RIN2: variants seen among roughly 807,000 people sequenced by gnomAD.
RIN2 encodes Ras and Rab interactor 2.
In RIN2, 36 loss-of-function variants were observed where a neutral mutation model predicts 78.0. That is an observed-to-expected ratio of 0.46 (90% CI 0.35 to 0.61). The LOEUF is 0.61. Among genes scored for constraint, RIN2 ranks in the 20% least tolerant of loss-of-function variants. RIN2 has a pLI of 0.00. For missense variants in RIN2, 1,087 were observed against 1,159.7 expected, an observed-to-expected ratio of 0.94 and a Z score of 0.91; for synonymous variants, 466 against 466.8, an observed-to-expected ratio of 1.00 and a Z score of 0.02.
intron 11 of RIN2, among the ~76,000 whole-genome samples, chr20:19,994,630 C>G (rs917420029): frequency 1.3e-5 from 2 of 152,140 alleles, no homozygotes; most frequent in South Asian, 2.1e-4. Context: ...AAGGAGCCCC[C>G]CTCCACCCCC....
chr20:19,956,547 A>G, intron 4 of RIN2, 68 bp from the exon 5 acceptor site: 3 of 1,472,294 alleles, frequency 2.0e-6, no homozygotes, highest in Non-Finnish European at 2.8e-6. Flanking sequence ...ATGAACTTGT[A>G]GGGACGGTCT....
At chr20:19,992,789 T>C (rs901096638) in intron 11 of RIN2, among the ~76,000 whole-genome samples, 1 of 152,252 alleles carries the variant, frequency 6.6e-6, no homozygotes, top group Admixed American at 6.5e-5. Context: ...TAAACTTTTG[T>C]TGAGGATATT....
rs1020773121 is a variant in RIN2 at position 19,898,785 on chromosome 20, C to T, written c.57+9127C>T. ...TAATCCATAGATAAACTTGTTAAATCACGTGCCAGCATGGCAATGAAAGGA... is the reference window on the plus strand; with the variant it reads ...TAATCCATAGATAAACTTGTTAAATTACGTGCCAGCATGGCAATGAAAGGA... On this transcript the variant is annotated intron_variant, in intron 3 of 12. Transcript: ENST00000255006. Among the ~76,000 whole-genome samples the T allele has an allele frequency of 2.6e-5, 4 of 152,196 alleles. No individual in the cohort carries two copies. The South Asian group carries it at 8.3e-4, about 32-fold the overall frequency.
intron 3 of RIN2, among the ~76,000 whole-genome samples, chr20:19,902,949 C>T (rs930318775): frequency 1.3e-4 from 20 of 152,020 alleles, no homozygotes; most frequent in Non-Finnish European, 1.9e-4. Flanking sequence ...ACAAATTAGC[C>T]GGGCATGGTG....
Position 19,844,716 on chromosome 20 carries a change from T to C in RIN2, c.-36-44850T>C, listed in dbSNP as rs530912818. On this transcript the variant is annotated intron_variant, in intron 2 of 12. Transcript: ENST00000255006. ...CCTCTTCCTCTTCTTCTTCTTCTTCTTCTTCTTCTTCTTCTTCTTCTTCTT... is the reference window on the plus strand; with the variant it reads ...CCTCTTCCTCTTCTTCTTCTTCTTCCTCTTCTTCTTCTTCTTCTTCTTCTT... Among the ~76,000 whole-genome samples, 158 of 145,074 alleles carry C rather than the reference T, an allele frequency of 1.1e-3. 1 individual carries two copies. The highest frequency in any genetic ancestry group is 3.6e-3 in the African/African-American group (140 of 38,424).
chr20:19,816,217 A>G (rs1296739044), intron 2 of RIN2, among the ~76,000 whole-genome samples: 2 of 152,218 alleles, frequency 1.3e-5, no homozygotes, highest in East Asian at 1.9e-4. Flanking sequence ...CTAGACTTAC[A>G]AAGAATTCCT....
intron 1 of RIN2, among the ~76,000 whole-genome samples, chr20:19,770,829 T>C (rs2034082805): frequency 6.6e-6 from 1 of 150,730 alleles, no homozygotes; most frequent in Non-Finnish European, 1.5e-5. Context: ...ATCCTCCAGC[T>C]CAATTCCCAC....
At chr20:19,814,998 G>T (rs772476152) in intron 2 of RIN2, among the ~76,000 whole-genome samples, 7 of 152,176 alleles carry the variant, frequency 4.6e-5, no homozygotes, top group Non-Finnish European at 1.0e-4. Context: ...GCTTGATCAT[G>T]TAATATTTAT....
At chr20:19,931,082 C>G (rs1339962589) in intron 3 of RIN2, among the ~76,000 whole-genome samples, 1 of 152,022 alleles carries the variant, frequency 6.6e-6, no homozygotes, top group Non-Finnish European at 1.5e-5. Context: ...GAAAGTGTCT[C>G]TACAAAATAA....
chr20:19,837,530 T>G (rs555548355), intron 2 of RIN2, among the ~76,000 whole-genome samples: 1 of 152,314 alleles, frequency 6.6e-6, no homozygotes, highest in Non-Finnish European at 1.5e-5. Context: ...GTTTTTTCTA[T>G]TCAAAATTTC....
chr20:19,819,394 C>T (rs2035864915), intron 2 of RIN2, among the ~76,000 whole-genome samples: 1 of 152,222 alleles, frequency 6.6e-6, no homozygotes, highest in Non-Finnish European at 1.5e-5. Context: ...ACCTAATTAC[C>T]TCCCAAAGAT....
At chr20:19,816,288 G>A (rs969315904) in intron 2 of RIN2, among the ~76,000 whole-genome samples, 1 of 152,146 alleles carries the variant, frequency 6.6e-6, no homozygotes, top group Admixed American at 6.5e-5. Flanking sequence ...AGTTAGCATT[G>A]CTGATTAACA....
chr20:19,825,859 G>T (rs911852434), intron 2 of RIN2, among the ~76,000 whole-genome samples: 2 of 152,194 alleles, frequency 1.3e-5, no homozygotes, highest in Non-Finnish European at 1.5e-5. Context: ...TGAGCCTGTT[G>T]TCTCAGCCAG....
At chr20:19,770,533 C>T (rs1371169392) in intron 1 of RIN2, among the ~76,000 whole-genome samples, 1 of 152,122 alleles carries the variant, frequency 6.6e-6, no homozygotes, top group Non-Finnish European at 1.5e-5. Flanking sequence ...CCCTGCCCTC[C>T]ATCTGGAGGA....
intron 1 of RIN2, among the ~76,000 whole-genome samples, chr20:19,771,185 C>T (rs1405234389): frequency 6.6e-6 from 1 of 152,138 alleles, no homozygotes; most frequent in Non-Finnish European, 1.5e-5. Flanking sequence ...TGGTGATCAA[C>T]TTAACCTTCA....
chr20:19,832,519 C>T (rs933254206), intron 2 of RIN2, among the ~76,000 whole-genome samples: 2 of 151,632 alleles, frequency 1.3e-5, no homozygotes, highest in Non-Finnish European at 2.9e-5. Flanking sequence ...TCCCAGCCAC[C>T]TCTTTCATGT....
At chr20:19,919,390 A>T (rs1201275789) in intron 3 of RIN2, among the ~76,000 whole-genome samples, 1 of 152,218 alleles carries the variant, frequency 6.6e-6, no homozygotes, top group Non-Finnish European at 1.5e-5. Flanking sequence ...CATTTCAGTT[A>T]TAAGATTTTC....
chr20:19,835,120 AAGGAAGAAAGGAAGGAAGGGAGGG>A, intron 2 of RIN2, among the ~76,000 whole-genome samples: 2 of 117,176 alleles, frequency 1.7e-5, no homozygotes, highest in African/African-American at 6.0e-5. Flanking sequence ...AAGAGGGAGG[AAGGAAGAAAGGAAGGAAGGGAGGG>A]AGGAAGGAAG....
chr20:19,841,421 C>G (rs781221273), intron 2 of RIN2, among the ~76,000 whole-genome samples: 4 of 151,900 alleles, frequency 2.6e-5, no homozygotes, highest in Non-Finnish European at 5.9e-5. Flanking sequence ...CAAACGCAGC[C>G]CCATAGATTT....
Sources: allele counts gnomAD v4.1 joint callset (sites outside exome capture counted in the v4.1 genomes callset), GRCh38; gene constraint gnomAD v4.1.1; transcripts MANE v1.5; gene names NCBI Gene and HGNC (gene_info 2026-07-23, HGNC 2026-07-21).